Variants in RBM27 observed in about 807,000 individuals in gnomAD.
RBM27 encodes the protein RNA binding motif protein 27.
In RBM27, 22 loss-of-function variants were observed where a neutral mutation model predicts 135.3. The observed-to-expected ratio is 0.16, with a 90% CI of 0.12 to 0.23. RBM27 has a LOEUF of 0.23. RBM27 is among the 10% of genes least tolerant of loss of function. The pLI is 1.00. For missense variants in RBM27, 1,009 were observed against 1,281.0 expected, an observed-to-expected ratio of 0.79 and a Z score of 3.24; for synonymous variants, 481 against 442.4, an observed-to-expected ratio of 1.09 and a Z score of -1.10.
chr5:146,267,606 T>C, intron 14 of RBM27, 43 bp from the exon 15 acceptor site: 4 of 1,247,836 alleles, frequency 3.2e-6, no homozygotes, highest in Non-Finnish European at 4.6e-6. Flanking sequence ...TTCTAAGATA[T>C]AATTATATTT....
chr5:146,228,882 G>C, intron 3 of RBM27, 64 bp from the exon 4 acceptor site: 2 of 1,328,392 alleles, frequency 1.5e-6, no homozygotes, highest in Non-Finnish European at 2.1e-6. Context: ...TAAAATGTTG[G>C]GATTACAGGT....
chr5:146,228,076 A>G (rs149940000), intron 3 of RBM27, among the ~76,000 whole-genome samples: 95 of 152,280 alleles, frequency 6.2e-4, no homozygotes, highest in Middle Eastern at 3.4e-3. Context: ...CTTTTCCTAC[A>G]CTACCATTCC....
In RBM27 at chr5:146,261,638, A is replaced by G. The variant is rs200810959; in HGVS notation, c.2022A>G (p.Glu674=). 1.9e-5 allele frequency: 31 copies of G among 1,614,208 alleles called. No homozygotes were observed. The highest frequency in any genetic ancestry group is 5.3e-5 in the African/African-American group (4 of 75,054). The change falls in exon 13 of 21, where the codon GAA becomes GAG. Residue 674 remains glutamate, a synonymous_variant. Transcript: ENST00000265271. ...NRFIRVLWHR[E]NNEQPTLQSS... ...TCATTCGAGTCTTGTGGCATAGGGA[A>G]AATAATGAGCAACCGACACTACAGT...
rs1385178883 is a variant in RBM27, at chr5:146,245,781, C to T, written c.1280-5930C>T. Among the ~76,000 whole-genome samples, 7 of 152,020 alleles carry T rather than the reference C, an allele frequency of 4.6e-5. No individual in the cohort carries two copies. In the South Asian group the frequency reaches 6.2e-4, roughly 14 times the overall value. On this transcript the variant is annotated intron_variant, in intron 8 of 20. Coordinates refer to ENST00000265271, the MANE Select transcript of RBM27 (RefSeq NM_018989.2). ...TTGCGCATATGAAGGATCTGAGTTG[C>T]GCATTCTTTATGAGAATCTAATGCC... is the stretch of plus-strand genomic sequence containing the variant.
At chr5:146,244,771 G>C (rs1270640677) in intron 8 of RBM27, among the ~76,000 whole-genome samples, 19 of 151,980 alleles carry the variant, frequency 1.3e-4, no homozygotes, top group Admixed American at 1.2e-3. Context: ...GACCTCCTGG[G>C]CTTGAGCTCT....
intron 7 of RBM27, among the ~76,000 whole-genome samples, chr5:146,234,272 T>A (rs1322804036): frequency 6.6e-6 from 1 of 152,178 alleles, no homozygotes; most frequent in African/African-American, 2.4e-5. Flanking sequence ...GAAATAATAT[T>A]AAAAAAATTT....
intron 8 of RBM27, among the ~76,000 whole-genome samples, chr5:146,237,996 A>G (rs1361708381): frequency 6.6e-6 from 1 of 152,178 alleles, no homozygotes; most frequent in Non-Finnish European, 1.5e-5. Context: ...CCTAACGTCA[A>G]GTCTCTTCTA....
At chr5:146,229,139 C>A in intron 4 of RBM27, 102 bp downstream of exon 4, 1 of 776,286 alleles carries the variant, frequency 1.3e-6, no homozygotes, top group African/African-American at 1.8e-5. Flanking sequence ...ACTCCTCTCT[C>A]TGTAAACTCA....
intron 3 of RBM27, among the ~76,000 whole-genome samples, chr5:146,224,323 A>ATT (rs1561530422): frequency 6.6e-6 from 1 of 152,202 alleles, no homozygotes; most frequent in Non-Finnish European, 1.5e-5. Context: ...CCCAGTATTT[A>ATT]TTTTTATTAC....
chr5:146,237,691 C>G (rs1757230443), intron 8 of RBM27, among the ~76,000 whole-genome samples: 2 of 152,050 alleles, frequency 1.3e-5, no homozygotes, highest in African/African-American at 4.8e-5. Context: ...TTTAGTCTCT[C>G]CTTTTTATTT....
At chr5:146,254,030 A>G (rs1424910654) in intron 9 of RBM27, among the ~76,000 whole-genome samples, 2 of 152,224 alleles carry the variant, frequency 1.3e-5, no homozygotes, top group Admixed American at 1.3e-4. Context: ...GAAGAAGTGT[A>G]CATAACCAAA....
intron 1 of RBM27, among the ~76,000 whole-genome samples, chr5:146,208,677 G>A (rs1755811966): frequency 6.6e-6 from 1 of 152,120 alleles, no homozygotes; most frequent in Admixed American, 6.6e-5. Flanking sequence ...AGAAATAACT[G>A]CTCATTGTAA....
chr5:146,257,256 G>A (rs1035266427), intron 10 of RBM27, among the ~76,000 whole-genome samples: 1 of 152,190 alleles, frequency 6.6e-6, no homozygotes, highest in African/African-American at 2.4e-5. Flanking sequence ...CTAAAGTTAA[G>A]AGAAATACTC....
chr5:146,222,567 C>G (rs1431896599), intron 2 of RBM27, among the ~76,000 whole-genome samples: 1 of 152,124 alleles, frequency 6.6e-6, no homozygotes, highest in Non-Finnish European at 1.5e-5. Flanking sequence ...GCCTGTAATC[C>G]CACCTACTCA....
At chr5:146,244,929 A>C (rs934993885) in intron 8 of RBM27, among the ~76,000 whole-genome samples, 2 of 151,868 alleles carry the variant, frequency 1.3e-5, no homozygotes. Flanking sequence ...GGTGGAGTGT[A>C]GTGGCATGAT....
At chr5:146,274,642 TA>T (rs1296694475) in intron 19 of RBM27, among the ~76,000 whole-genome samples, 6 of 152,216 alleles carry the variant, frequency 3.9e-5, no homozygotes, top group African/African-American at 1.4e-4. Context: ...TGTTTTATAT[TA>T]TGTATTTTAA....
At chr5:146,215,377 AG>A (rs113151461) in intron 1 of RBM27, among the ~76,000 whole-genome samples, 17 of 152,308 alleles carry the variant, frequency 1.1e-4, no homozygotes, top group African/African-American at 4.1e-4. Context: ...AACCCATTTC[AG>A]TTATCCAATA....
chr5:146,231,072 A>T (rs1002003214), intron 6 of RBM27, among the ~76,000 whole-genome samples, 155 bp downstream of exon 6: 1 of 151,898 alleles, frequency 6.6e-6, no homozygotes, highest in Non-Finnish European at 1.5e-5. Context: ...CCCAGGATGG[A>T]GTGCAGTGGC....
rs1050000748 is a variant in RBM27, at chr5:146,229,963, T to C, written c.589+53T>C. On this transcript the variant is annotated intron_variant, in intron 5 of 20. Coordinates refer to ENST00000265271, the MANE Select transcript of RBM27 (RefSeq NM_018989.2). Reference sequence around the variant, plus strand: ...CTCTGTAGTTATTTATCTGTCTCTATCACAGGGGTGCAAGAAATTCTCTTA... The same window carrying C: ...CTCTGTAGTTATTTATCTGTCTCTACCACAGGGGTGCAAGAAATTCTCTTA... The C allele has an allele frequency of 1.9e-6, 3 of 1,587,028 alleles. No homozygotes were observed. The African/African-American group carries it at 4.0e-5, about 21-fold the overall frequency.
Sources: gnomAD v4.1 joint callset for allele counts (sites outside exome capture counted in the v4.1 genomes callset) on GRCh38, gnomAD v4.1.1 for gene constraint, MANE v1.5 for transcripts, NCBI Gene and HGNC (gene_info 2026-07-23, HGNC 2026-07-21) for gene names.